The following RNLS variants were observed in gnomAD, a reference collection of about 807,000 sequenced individuals.
RNLS encodes the protein renalase, FAD dependent amine oxidase.
In RNLS, 39 loss-of-function variants were observed where a neutral mutation model predicts 39.8. That is an observed-to-expected ratio of 0.98 (90% CI 0.76 to 1.28). RNLS has a LOEUF of 1.28. RNLS is among the 50% of genes most tolerant of loss of function. The probability of loss-of-function intolerance (pLI) is 0.00; values close to 1 mark genes in which losing one functional copy is unlikely to be tolerated. For synonymous variants in RNLS, 147 were observed against 150.7 expected, an observed-to-expected ratio of 0.98 and a Z score of 0.18; for missense variants, 410 against 413.3, an observed-to-expected ratio of 0.99 and a Z score of 0.07.
the RNLS span, among the ~76,000 whole-genome samples, chr10:88,243,739 C>T: frequency 1.3e-5 from 2 of 152,240 alleles, no homozygotes; most frequent in Non-Finnish European, 2.9e-5. Context: ...AGGCCAGCAG[C>T]TCTTTAACGG....
chr10:88,252,541 C>T, the RNLS span, among the ~76,000 whole-genome samples: 1 of 152,192 alleles, frequency 6.6e-6, no homozygotes, highest in Non-Finnish European at 1.5e-5. Flanking sequence ...TCATCTTTAC[C>T]TGCCCAAGTC....
the RNLS span, among the ~76,000 whole-genome samples, chr10:88,246,909 A>G: frequency 6.6e-6 from 1 of 152,248 alleles, no homozygotes; most frequent in Non-Finnish European, 1.5e-5. Flanking sequence ...TAAAGCTCAC[A>G]CAGGCTAATC....
chr10:88,513,638 A>T (rs1011167825), intron 4 of RNLS, among the ~76,000 whole-genome samples: 2 of 152,126 alleles, frequency 1.3e-5, no homozygotes, highest in African/African-American at 2.4e-5. Flanking sequence ...TAACTATTAG[A>T]TGTTAAACTT....
intron 4 of RNLS, among the ~76,000 whole-genome samples, chr10:88,549,612 C>T (rs142316091): frequency 4.0e-4 from 61 of 151,928 alleles, no homozygotes; most frequent in Non-Finnish European, 3.7e-4. Context: ...GAATAGAACA[C>T]GGTAAAAAAG....
At chr10:88,350,817 A>G (rs563753106) in intron 5 of RNLS, among the ~76,000 whole-genome samples, 1 of 152,322 alleles carries the variant, frequency 6.6e-6, no homozygotes, top group East Asian at 1.9e-4. Context: ...ACTGTATTCC[A>G]CAAGGGTTGA....
intron 5 of RNLS, among the ~76,000 whole-genome samples, chr10:88,353,751 A>G (rs1425228265): frequency 2.0e-5 from 3 of 152,096 alleles, no homozygotes. Flanking sequence ...TCTGAATTCA[A>G]TTCCTGGATA....
chr10:88,442,386 C>T (rs1172219866), intron 4 of RNLS, among the ~76,000 whole-genome samples: 1 of 152,144 alleles, frequency 6.6e-6, no homozygotes, highest in Non-Finnish European at 1.5e-5. Flanking sequence ...CTGATTAAAA[C>T]TTGGTTAATT....
In RNLS at chr10:88,521,422, C is replaced by T. The variant is rs185774124; in HGVS notation, c.526+51481G>A. On this transcript the variant is annotated intron_variant, in intron 4 of 6. Coordinates refer to ENST00000331772, the MANE Select transcript of RNLS (RefSeq NM_001031709.3). ...ACTTCCTCCTGCAGATGATGGGGAA[C>T]TACTGCAGGTTTTAGATCAGGGTTA... Among the ~76,000 whole-genome samples the T allele has an allele frequency of 3.6e-4, 55 of 152,104 alleles. 1 individual carries two copies. Among genetic ancestry groups the T allele is most frequent in the African/African-American group, 1.3e-3 (55 of 41,514 alleles).
chr10:88,276,212 T>C (rs781500268), intron 6 of RNLS, among the ~76,000 whole-genome samples: 10 of 152,226 alleles, frequency 6.6e-5, no homozygotes, highest in Non-Finnish European at 1.3e-4. Context: ...ACTTTTATTA[T>C]AAATTGTTGT....
intron 4 of RNLS, among the ~76,000 whole-genome samples, chr10:88,413,623 T>C (rs910023257): frequency 1.3e-5 from 2 of 152,200 alleles, no homozygotes; most frequent in Admixed American, 6.6e-5. Context: ...TAAGCATCAC[T>C]GAGGTGAAAT....
chr10:88,289,615 A>G (rs1000468624), intron 6 of RNLS, among the ~76,000 whole-genome samples: 2 of 152,136 alleles, frequency 1.3e-5, no homozygotes, highest in Non-Finnish European at 2.9e-5. Flanking sequence ...CTAGACTGCA[A>G]GCTTCTAAGA....
At chr10:88,459,823 A>C (rs1272502776) in intron 4 of RNLS, among the ~76,000 whole-genome samples, 2 of 152,184 alleles carry the variant, frequency 1.3e-5, no homozygotes. Flanking sequence ...ATTAAAGGGC[A>C]CTGAATCACT....
At chr10:88,483,886 T>C (rs992241254) in intron 4 of RNLS, among the ~76,000 whole-genome samples, 2 of 152,106 alleles carry the variant, frequency 1.3e-5, no homozygotes, top group Admixed American at 6.6e-5. Flanking sequence ...TTACCTAATT[T>C]TGAAAATTAT....
intron 4 of RNLS, among the ~76,000 whole-genome samples, chr10:88,549,788 G>A (rs1848521419): frequency 1.3e-5 from 2 of 152,170 alleles, no homozygotes; most frequent in South Asian, 2.1e-4. Flanking sequence ...TATAGTTAAG[G>A]AGGTTGAGGC....
At chr10:88,252,035 A>G in the RNLS span, among the ~76,000 whole-genome samples, 69 of 152,144 alleles carry the variant, frequency 4.5e-4, no homozygotes, top group African/African-American at 1.5e-3. Flanking sequence ...AGCCATTCCT[A>G]CTTGGTCTGG....
intron 4 of RNLS, among the ~76,000 whole-genome samples, chr10:88,500,155 C>T (rs182281061): frequency 1.4e-4 from 21 of 152,136 alleles, no homozygotes; most frequent in East Asian, 3.9e-4. Context: ...TTCTGAATAA[C>T]GAGACACAAA....
intron 4 of RNLS, among the ~76,000 whole-genome samples, chr10:88,390,040 A>G (rs2133571956): frequency 6.6e-6 from 1 of 152,338 alleles, no homozygotes; most frequent in East Asian, 1.9e-4. Flanking sequence ...GGGAAATACA[A>G]TTTGGTTGTG....
At chr10:88,172,842 G>GTTTTTTTTTTTTTTTTTTTTTTTTTTTT in the RNLS span, among the ~76,000 whole-genome samples, 9 of 43,776 alleles carry the variant, frequency 2.1e-4, 3 homozygotes, top group East Asian at 2.8e-3. Context: ...ATTTTGAGTT[G>GTTTTTTTTTTTTTTTTTTTTTTTTTTTT]TTTTTTTTTT....
At chr10:88,510,858 A>C (rs1326101629) in intron 4 of RNLS, among the ~76,000 whole-genome samples, 2 of 151,218 alleles carry the variant, frequency 1.3e-5, no homozygotes, top group Non-Finnish European at 2.9e-5. Context: ...AGAAAAAAAA[A>C]AAAGTTTACA....
Sources: allele counts gnomAD v4.1 joint callset (sites outside exome capture counted in the v4.1 genomes callset), GRCh38; gene constraint gnomAD v4.1.1; transcripts MANE v1.5; gene names NCBI Gene and HGNC (gene_info 2026-07-23, HGNC 2026-07-21).